The following PBX3 variants were observed in gnomAD, a reference collection of about 807,000 sequenced individuals.
PBX3 encodes the protein pre-B-cell leukemia transcription factor 3.
In PBX3, 14 loss-of-function variants were observed where a neutral mutation model predicts 48.5. The observed-to-expected ratio is 0.29, with a 90% CI of 0.19 to 0.45. The LOEUF is 0.45. Among genes scored for constraint, PBX3 ranks in the 20% least tolerant of loss-of-function variants. The probability of loss-of-function intolerance (pLI) is 1.00; values close to 1 mark genes in which losing one functional copy is unlikely to be tolerated. For missense variants in PBX3, 386 were observed against 546.7 expected (o/e 0.71, Z 2.93); for synonymous variants, 210 against 200.3 (o/e 1.05, Z -0.41).
chr9:125,837,879 C>T (rs758446457), intron 2 of PBX3, among the ~76,000 whole-genome samples: 6 of 152,200 alleles, frequency 3.9e-5, no homozygotes, highest in Non-Finnish European at 8.8e-5. Context: ...CGTGAGCCAC[C>T]ACGCCCGGCC....
chr9:125,837,281 C>T (rs1189550421), intron 2 of PBX3, among the ~76,000 whole-genome samples: 1 of 151,350 alleles, frequency 6.6e-6, no homozygotes, highest in Non-Finnish European at 1.5e-5. Flanking sequence ...CATGATGGTA[C>T]ATATATGTAT....
intron 2 of PBX3, among the ~76,000 whole-genome samples, chr9:125,816,899 C>A (rs558712005): frequency 6.6e-6 from 1 of 152,258 alleles, no homozygotes; most frequent in East Asian, 1.9e-4. Flanking sequence ...AATGTCTCAT[C>A]ATTTAGATTA....
At chr9:125,844,590 A>C (rs1839378614) in intron 2 of PBX3, 1 of 152,096 alleles carries the variant, frequency 6.6e-6, no homozygotes, top group Non-Finnish European at 1.5e-5. Flanking sequence ...GGGTTGAAAA[A>C]GCTTTGCATG....
In PBX3 at chr9:125,826,442, T is replaced by C. The variant is rs1270596592; in HGVS notation, c.274+77819T>C. Among the ~76,000 whole-genome samples the C allele has an allele frequency of 6.6e-5, 10 of 152,156 alleles. No homozygotes were observed. In the East Asian group the frequency reaches 1.9e-3, roughly 29 times the overall value. On this transcript the variant is annotated intron_variant, in intron 2 of 8. Coordinates refer to ENST00000373489, the MANE Select transcript of PBX3 (RefSeq NM_006195.6). ...TAGCTTGTCTGGAATATTCACAAAT[T>C]AATGAAGGGTCATTGGTGATTATGG...
chr9:125,866,512 A>G (rs959009342), intron 2 of PBX3, among the ~76,000 whole-genome samples: 4 of 152,194 alleles, frequency 2.6e-5, no homozygotes, highest in African/African-American at 9.7e-5. Flanking sequence ...ACATTATAGA[A>G]CAGGTTAAAA....
At chr9:125,880,091 C>T (rs1440370026) in intron 2 of PBX3, among the ~76,000 whole-genome samples, 1 of 152,198 alleles carries the variant, frequency 6.6e-6, no homozygotes, top group Admixed American at 6.5e-5. Context: ...GTTGCCCAGG[C>T]GGGAGTACAG....
chr9:125,758,049 A>G (rs1288335448), intron 2 of PBX3, among the ~76,000 whole-genome samples: 2 of 152,192 alleles, frequency 1.3e-5, no homozygotes, highest in East Asian at 1.9e-4. Context: ...GTGATGTGAT[A>G]CTGAGGATGT....
At chr9:125,872,536 T>C (rs1213816304) in intron 2 of PBX3, among the ~76,000 whole-genome samples, 1 of 152,110 alleles carries the variant, frequency 6.6e-6, no homozygotes, top group Non-Finnish European at 1.5e-5. Flanking sequence ...TAGTGGTTCA[T>C]GCCTGTCCAG....
At chr9:125,823,480 CTG>C (rs1166722701) in intron 2 of PBX3, among the ~76,000 whole-genome samples, 1 of 151,884 alleles carries the variant, frequency 6.6e-6, no homozygotes, top group Middle Eastern at 3.2e-3. Context: ...TTTTAAAAGA[CTG>C]AATTTAACAT....
At chr9:125,767,226 C>G (rs539617742) in intron 2 of PBX3, among the ~76,000 whole-genome samples, 7 of 152,070 alleles carry the variant, frequency 4.6e-5, no homozygotes, top group Admixed American at 3.3e-4. Flanking sequence ...TGCAGGTGAC[C>G]GGTGAATTTG....
intron 2 of PBX3, among the ~76,000 whole-genome samples, chr9:125,780,123 T>C: frequency 8.4e-6 from 1 of 119,526 alleles, no homozygotes; most frequent in Non-Finnish European, 1.7e-5. Flanking sequence ...GCTCCTCACT[T>C]CCCAGTAGGG....
chr9:125,814,138 G>C (rs1838387151), intron 2 of PBX3, among the ~76,000 whole-genome samples: 1 of 136,042 alleles, frequency 7.4e-6, no homozygotes, highest in Admixed American at 7.4e-5. Flanking sequence ...ACTCCAGCCT[G>C]GGCGACAGAG....
intron 2 of PBX3, among the ~76,000 whole-genome samples, chr9:125,850,768 G>GA (rs1430543260): frequency 2.0e-5 from 3 of 152,012 alleles, no homozygotes; most frequent in South Asian, 2.1e-4. Flanking sequence ...AACTGTTTGA[G>GA]AAAATCAACA....
chr9:125,748,190 G>T, intron 1 of PBX3: 1 of 979,106 alleles, frequency 1.0e-6, no homozygotes, highest in Non-Finnish European at 1.2e-6. Context: ...GCCGCAGTCG[G>T]CCGGCCTCCT....
intron 2 of PBX3, among the ~76,000 whole-genome samples, chr9:125,772,085 T>C (rs779057208): frequency 6.6e-6 from 1 of 152,228 alleles, no homozygotes; most frequent in Non-Finnish European, 1.5e-5. Flanking sequence ...TACTGCCTAA[T>C]TCAAAGTGAA....
At chr9:125,945,450 G>C (rs1463950728) in intron 5 of PBX3, among the ~76,000 whole-genome samples, 1 of 152,138 alleles carries the variant, frequency 6.6e-6, no homozygotes, top group Non-Finnish European at 1.5e-5. Context: ...CACTTCAAAT[G>C]TCAGCTCTTC....
At chr9:125,901,848 C>A (rs745800044) in intron 2 of PBX3, among the ~76,000 whole-genome samples, 2 of 151,634 alleles carry the variant, frequency 1.3e-5, no homozygotes, top group Admixed American at 1.3e-4. Context: ...CTTCTACATT[C>A]TTTTCTTGTC....
chr9:125,842,337 C>G (rs1839310425), intron 2 of PBX3, among the ~76,000 whole-genome samples: 2 of 152,134 alleles, frequency 1.3e-5, no homozygotes, highest in African/African-American at 4.8e-5. Flanking sequence ...CTCTGACACT[C>G]AATTTTATTG....
At chr9:125,952,596 A>T (rs1358662373) in intron 5 of PBX3, among the ~76,000 whole-genome samples, 1 of 152,210 alleles carries the variant, frequency 6.6e-6, no homozygotes, top group African/African-American at 2.4e-5. Context: ...CTTGAGATTT[A>T]TAAAGTGTTT....
Sources: allele counts gnomAD v4.1 joint callset (sites outside exome capture counted in the v4.1 genomes callset), GRCh38; gene constraint gnomAD v4.1.1; transcripts MANE v1.5; gene names NCBI Gene and HGNC (gene_info 2026-07-23, HGNC 2026-07-21).